Variants in FSTL4 observed in about 807,000 individuals in gnomAD.
The protein encoded by FSTL4 is follistatin like 4.
A neutral mutation model predicts 78.2 loss-of-function variants in FSTL4; 28 were observed. That is an observed-to-expected ratio of 0.36 (90% CI 0.27 to 0.49). FSTL4 has a LOEUF of 0.49. Among genes scored for constraint, FSTL4 ranks in the 20% least tolerant of loss-of-function variants. The pLI, the probability that FSTL4 is intolerant of heterozygous loss-of-function variation, is 0.98. For synonymous variants in FSTL4, 422 were observed against 440.5 expected (o/e 0.96, Z 0.53); for missense variants, 922 against 1,084.9 (o/e 0.85, Z 2.11).
intron 3 of FSTL4, among the ~76,000 whole-genome samples, chr5:133,506,059 C>G (rs1484910507): frequency 6.6e-6 from 1 of 152,190 alleles, no homozygotes; most frequent in Non-Finnish European, 1.5e-5. Flanking sequence ...GGGGAAGGAC[C>G]TTCACCTTCA....
chr5:133,644,741 T>C, the FSTL4 span, among the ~76,000 whole-genome samples: 30 of 152,234 alleles, frequency 2.0e-4, no homozygotes, highest in Middle Eastern at 3.4e-3. Context: ...CCCAGACCCA[T>C]ACCCTGCCCT....
At chr5:133,465,424 C>T (rs1347356345) in intron 3 of FSTL4, among the ~76,000 whole-genome samples, 5 of 152,212 alleles carry the variant, frequency 3.3e-5, no homozygotes, top group African/African-American at 1.2e-4. Context: ...GTTACTTTCC[C>T]CCCAAATAGA....
the FSTL4 span, among the ~76,000 whole-genome samples, chr5:133,713,737 T>C: frequency 2.0e-5 from 3 of 152,234 alleles, no homozygotes; most frequent in Non-Finnish European, 4.4e-5. Context: ...TTGATCTCTC[T>C]GTCTAAGCAA....
At chr5:133,464,511 T>C (rs997654930) in intron 3 of FSTL4, among the ~76,000 whole-genome samples, 3 of 152,180 alleles carry the variant, frequency 2.0e-5, no homozygotes, top group Non-Finnish European at 4.4e-5. Flanking sequence ...AAACACAGCA[T>C]CAGCAGAGGG....
At chr5:133,541,267 TAGCTGA>T (rs1759467066) in intron 3 of FSTL4, among the ~76,000 whole-genome samples, 1 of 152,234 alleles carries the variant, frequency 6.6e-6, no homozygotes, top group Non-Finnish European at 1.5e-5. Context: ...TGTCAGATGG[TAGCTGA>T]AGCTGTTGGG....
At chr5:133,365,902 C>T (rs1458732077) in intron 4 of FSTL4, among the ~76,000 whole-genome samples, 1 of 152,180 alleles carries the variant, frequency 6.6e-6, no homozygotes, top group South Asian at 2.1e-4. Context: ...GCAAGCCTCA[C>T]GACTGGCAGG....
intron 3 of FSTL4, among the ~76,000 whole-genome samples, chr5:133,481,103 C>T (rs1014191117): frequency 1.3e-5 from 2 of 152,180 alleles, no homozygotes; most frequent in African/African-American, 2.4e-5. Context: ...CTGTGCACTG[C>T]GCTGTTTACC....
chr5:133,410,145 A>T (rs984972732), intron 3 of FSTL4, among the ~76,000 whole-genome samples: 36 of 152,190 alleles, frequency 2.4e-4, no homozygotes, highest in African/African-American at 8.7e-4. Flanking sequence ...AAGCTGCATA[A>T]AAATGTCAAG....
chr5:133,596,914 T>C (rs1760749399), intron 2 of FSTL4, among the ~76,000 whole-genome samples: 1 of 152,248 alleles, frequency 6.6e-6, no homozygotes, highest in Non-Finnish European at 1.5e-5. Flanking sequence ...GGGTTTCTCT[T>C]GTTCCAGACC....
chr5:133,519,234 AAC>A (rs1050712771), intron 3 of FSTL4, among the ~76,000 whole-genome samples: 5 of 152,204 alleles, frequency 3.3e-5, no homozygotes, highest in African/African-American at 1.2e-4. Flanking sequence ...CTGTTGTAAA[AAC>A]ACACAACACA....
At chr5:133,292,586 A>G (rs922130734) in intron 6 of FSTL4, among the ~76,000 whole-genome samples, 5 of 152,078 alleles carry the variant, frequency 3.3e-5, no homozygotes, top group African/African-American at 1.2e-4. Flanking sequence ...TGAAGTAGCA[A>G]ACTCATCATT....
chr5:133,663,143 AG>A, the FSTL4 span, among the ~76,000 whole-genome samples: 2 of 152,222 alleles, frequency 1.3e-5, no homozygotes, highest in Non-Finnish European at 2.9e-5. Context: ...GTGACTGAAC[AG>A]TCTGTAATTG....
intron 2 of FSTL4, among the ~76,000 whole-genome samples, chr5:133,576,102 CAATAT>C (rs112936290): frequency 0.028 from 4,312 of 152,194 alleles, 202 homozygotes; most frequent in African/African-American, 0.098. Flanking sequence ...ATTTTTGAAT[CAATAT>C]AATATGAGTG....
intron 3 of FSTL4, among the ~76,000 whole-genome samples, chr5:133,499,672 C>G (rs1447721094): frequency 1.3e-5 from 2 of 152,154 alleles, no homozygotes; most frequent in African/African-American, 4.8e-5. Context: ...AGCACAGGCT[C>G]AACTGATTAA....
intron 3 of FSTL4, among the ~76,000 whole-genome samples, chr5:133,422,538 T>C (rs1756720814): frequency 6.6e-6 from 1 of 150,910 alleles, no homozygotes; most frequent in African/African-American, 2.4e-5. Context: ...GGGGAAAACG[T>C]GTCAAGACCA....
chr5:133,267,110 A>G (rs892402683), intron 6 of FSTL4, among the ~76,000 whole-genome samples: 19 of 152,098 alleles, frequency 1.2e-4, no homozygotes, highest in African/African-American at 3.6e-4. Flanking sequence ...TCCCGGGAGG[A>G]GGAACGGTAG....
At chr5:133,641,920 C>T in the FSTL4 span, among the ~76,000 whole-genome samples, 2 of 151,410 alleles carry the variant, frequency 1.3e-5, no homozygotes, top group Admixed American at 6.6e-5. Flanking sequence ...CCTCCTCCTC[C>T]TTCTTTCTTC....
At chr5:133,305,609 C>T (rs1753639441) in intron 6 of FSTL4, among the ~76,000 whole-genome samples, 1 of 152,194 alleles carries the variant, frequency 6.6e-6, no homozygotes, top group African/African-American at 2.4e-5. Flanking sequence ...GCCTCTCTAC[C>T]CGCTGCCTCT....
intron 3 of FSTL4, among the ~76,000 whole-genome samples, chr5:133,452,473 T>C (rs1480020910): frequency 6.6e-6 from 1 of 152,238 alleles, no homozygotes; most frequent in Non-Finnish European, 1.5e-5. Flanking sequence ...CCACAGGCAC[T>C]TCTCATTTAA....
Sources: gnomAD v4.1 joint callset for allele counts (sites outside exome capture counted in the v4.1 genomes callset) on GRCh38, gnomAD v4.1.1 for gene constraint, MANE v1.5 for transcripts, NCBI Gene and HGNC (gene_info 2026-07-23, HGNC 2026-07-21) for gene names.